CCDC88A: variants seen among roughly 807,000 people sequenced by gnomAD.
The protein encoded by CCDC88A is coiled-coil and HOOK domain protein 88A.
CCDC88A carries 54 observed loss-of-function variants against 234.3 expected under a neutral mutation model. The ratio of observed to expected loss-of-function variants is 0.23; its 90% CI spans 0.19 to 0.29. CCDC88A has a LOEUF of 0.29. Among genes scored for constraint, CCDC88A ranks in the 10% least tolerant of loss-of-function variants. The pLI is 1.00. For missense variants in CCDC88A, 1,832 were observed against 2,123.4 expected, an observed-to-expected ratio of 0.86 and a Z score of 2.70; for synonymous variants, 753 against 737.8, an observed-to-expected ratio of 1.02 and a Z score of -0.33.
At chr2:55,381,848 T>C (rs1275067812) in intron 3 of CCDC88A, among the ~76,000 whole-genome samples, 1 of 152,196 alleles carries the variant, frequency 6.6e-6, no homozygotes, top group Non-Finnish European at 1.5e-5. Context: ...TAAAACTGCA[T>C]AATTCTACAG....
intron 3 of CCDC88A, among the ~76,000 whole-genome samples, chr2:55,378,189 C>A (rs886217965): frequency 1.1e-4 from 17 of 152,322 alleles, no homozygotes; most frequent in Middle Eastern, 3.4e-3. Flanking sequence ...TGATTCTCCA[C>A]TTCCTGCCTA....
In CCDC88A at chr2:55,374,881, C is replaced by A. The variant is rs539601373; in HGVS notation, c.276G>T (p.Glu92Asp). The A allele has an allele frequency of 2.3e-5, 36 of 1,599,542 alleles. No homozygotes were observed. The highest frequency in any genetic ancestry group is 4.0e-5 in the African/African-American group (3 of 74,700). ...LVRQIKFYYQETLQQLIMMSL... is the reference protein window; with the variant it reads ...LVRQIKFYYQDTLQQLIMMSL... ...ACATCATGATCAATTGCTGCAAAGT[C>A]TCCTGTAAAAAAATATCCAACACTT... The change falls in exon 4 of 33, where the codon GAG becomes GAT. Residue 92 changes from glutamate to aspartate, a missense_variant and splice_region_variant. By Grantham distance (45) the Glu-to-Asp change is conservative. Around this residue, in one of 6 missense-constraint regions of CCDC88A, gnomAD observed 84 missense variants for 80.9 expected, o/e 1.04. Transcript: ENST00000436346.
At chr2:55,414,155 T>C (rs183541059) in intron 2 of CCDC88A, among the ~76,000 whole-genome samples, 1 of 152,178 alleles carries the variant, frequency 6.6e-6, no homozygotes, top group Non-Finnish European at 1.5e-5. Flanking sequence ...ATTGTTCTGA[T>C]ACTATTAACA....
At chr2:55,336,108 TGC>T (rs1419954518) in intron 14 of CCDC88A, among the ~76,000 whole-genome samples, 1 of 152,086 alleles carries the variant, frequency 6.6e-6, no homozygotes, top group Non-Finnish European at 1.5e-5. Context: ...GTGAAAGGAT[TGC>T]TTGAGCCTAG....
At chr2:55,345,844 T>C (rs1044639257) in intron 10 of CCDC88A, 4 of 174,228 alleles carry the variant, frequency 2.3e-5, no homozygotes, top group Admixed American at 1.9e-4. Context: ...CTGAAATATG[T>C]TTTGCTTTCA....
intron 8 of CCDC88A, 89 bp downstream of exon 8, chr2:55,355,490 C>G: frequency 9.0e-7 from 1 of 1,107,120 alleles, no homozygotes; most frequent in Non-Finnish European, 1.4e-6. Context: ...CTGACACAAG[C>G]TAGCAATATT....
At chr2:55,343,108 C>G (rs1040204383) in intron 12 of CCDC88A, among the ~76,000 whole-genome samples, 3 of 152,094 alleles carry the variant, frequency 2.0e-5, no homozygotes, top group Non-Finnish European at 4.4e-5. Context: ...TAAAAATTTA[C>G]CTGGGGGATC....
chr2:55,300,246 C>T (rs1341782796), intron 28 of CCDC88A: 1 of 279,774 alleles, frequency 3.6e-6, no homozygotes, highest in African/African-American at 2.2e-5. Flanking sequence ...TTGATTGGGT[C>T]ACCTACAACA....
In CCDC88A at chr2:55,419,717, G is replaced by A. The variant is rs1424654183; in HGVS notation, c.-638C>T. On this transcript the variant is annotated 5_prime_UTR_variant, in exon 1 of 33. Transcript: ENST00000436346. The stretch of plus-strand genomic sequence containing the variant: ...CCTCCAGCCCCCTTCCCCTCCCGGG[G>A]GTGGGGGCTTGAATGTGTGTCCCTA... 1 of 151,840 alleles carries A rather than the reference G, an allele frequency of 6.6e-6. No homozygotes were observed. The highest frequency in any genetic ancestry group is 1.5e-5 in the Non-Finnish European group (1 of 68,090). 9.4% of individuals were successfully genotyped at this position (151,840 alleles called of 1,614,324 possible).
intron 31 of CCDC88A, chr2:55,295,020 G>A: frequency 8.2e-7 from 1 of 1,217,862 alleles, no homozygotes; most frequent in Non-Finnish European, 1.1e-6. Context: ...TAGAGAAGCA[G>A]TGTATATCAA....
intron 5 of CCDC88A, among the ~76,000 whole-genome samples, chr2:55,371,698 C>T (rs749240867): frequency 6.6e-6 from 1 of 152,154 alleles, no homozygotes; most frequent in Non-Finnish European, 1.5e-5. Context: ...TGTGCCCAAA[C>T]TGGTCTCAAA....
intron 23 of CCDC88A, among the ~76,000 whole-genome samples, chr2:55,311,604 G>A (rs1359660592): frequency 6.6e-6 from 1 of 152,202 alleles, no homozygotes; most frequent in Admixed American, 6.5e-5. Context: ...GATGAATTGG[G>A]ACATGAATTA....
In CCDC88A at chr2:55,287,892, A is replaced by G. The variant is rs1186723073; in HGVS notation, c.*3308T>C. ...TTATTTCTTTTTATATTAGTTTGAT[A>G]CGTGAATGTTAGTCCAACTTAATTT... On this transcript the variant is annotated 3_prime_UTR_variant, in exon 33 of 33. Coordinates refer to ENST00000436346, the MANE Select transcript of CCDC88A (RefSeq NM_001365480.1). The G allele has an allele frequency of 6.6e-6, 1 of 152,532 alleles. No homozygotes were observed. The highest frequency in any genetic ancestry group is 1.5e-5 in the Non-Finnish European group (1 of 68,030). The allele number at this position is 152,532 out of a possible 1,614,324, so 9.4% of individuals were successfully genotyped here.
At chr2:55,385,201 A>G (rs553577823) in intron 3 of CCDC88A, among the ~76,000 whole-genome samples, 6 of 152,332 alleles carry the variant, frequency 3.9e-5, no homozygotes, top group Middle Eastern at 3.4e-3. Context: ...ATCTGTACAT[A>G]TTTCAGATTT....
intron 3 of CCDC88A, among the ~76,000 whole-genome samples, chr2:55,384,254 G>A (rs1675082673): frequency 6.7e-6 from 1 of 149,914 alleles, no homozygotes; most frequent in South Asian, 2.1e-4. Context: ...ATCCAGGTGG[G>A]GCAGAGGTTG....
intron 2 of CCDC88A, among the ~76,000 whole-genome samples, chr2:55,391,304 G>C (rs1676602824): frequency 6.6e-6 from 1 of 152,134 alleles, no homozygotes; most frequent in Non-Finnish European, 1.5e-5. Flanking sequence ...CAAGTAACTT[G>C]ACAACCTGCC....
chr2:55,375,397 G>C lies in CCDC88A; in HGVS notation c.274-514C>G, dbSNP rs970859383. Among the ~76,000 whole-genome samples the C allele has an allele frequency of 2.0e-5, 3 of 149,070 alleles. No individual in the cohort carries two copies. The East Asian group carries it at 6.0e-4, about 30-fold the overall frequency. On this transcript the variant is annotated intron_variant, in intron 3 of 32. Coordinates refer to ENST00000436346, the MANE Select transcript of CCDC88A (RefSeq NM_001365480.1). ...CCTCAATAAAAGTTCGAGCATGTGT[G>C]CTCTTTTTCTTCTTGTTAGTTCTCA...
chr2:55,419,649 TC>T lies in CCDC88A; in HGVS notation c.-571del, dbSNP rs746117112. 48 of 149,060 alleles carry T rather than the reference TC, an allele frequency of 3.2e-4. No homozygotes were observed. Among genetic ancestry groups the T allele is most frequent in the Non-Finnish European group, 6.1e-4 (41 of 67,670 alleles). The allele number at this position is 149,060 out of a possible 1,614,324, so 9.2% of individuals were successfully genotyped here. Reference sequence around the variant, plus strand: ...GTACCAACAGGCAGGGCTCGCCCCTTCCCCCCGAGCAGACACCATTCCTCCG... The same window carrying T: ...GTACCAACAGGCAGGGCTCGCCCCTTCCCCCGAGCAGACACCATTCCTCCG... On this transcript the variant is annotated 5_prime_UTR_variant, in exon 1 of 33. The change abolishes the stop of an existing upstream ORF in the 5' untranslated region. Transcript: ENST00000436346.
At chr2:55,331,209 G>T (rs1684873383) in intron 16 of CCDC88A, among the ~76,000 whole-genome samples, 1 of 152,110 alleles carries the variant, frequency 6.6e-6, no homozygotes, top group African/African-American at 2.4e-5. Context: ...GAATAAAGAG[G>T]GGATGCATAT....
Sources: allele counts gnomAD v4.1 joint callset (sites outside exome capture counted in the v4.1 genomes callset), GRCh38; gene constraint gnomAD v4.1.1; regional missense constraint gnomAD v4.1.1; transcripts MANE v1.5; gene names NCBI Gene and HGNC (gene_info 2026-07-23, HGNC 2026-07-21).